STAC: variants seen among roughly 807,000 people sequenced by gnomAD.
STAC encodes the protein SH3 and cysteine rich domain, also known as SH3 and cysteine-rich domain-containing protein.
STAC carries 43 observed loss-of-function variants against 48.8 expected under a neutral mutation model. The observed-to-expected ratio is 0.88, with a 90% CI of 0.69 to 1.14. STAC has a LOEUF of 1.14. Among genes scored for constraint, STAC ranks in the 50% most tolerant of loss-of-function variants. The pLI is 0.00. For synonymous variants in STAC, 193 were observed against 179.5 expected, an observed-to-expected ratio of 1.07 and a Z score of -0.60; for missense variants, 497 against 504.0, an observed-to-expected ratio of 0.99 and a Z score of 0.13.
At chr3:36,415,160 G>A (rs1369900959) in intron 1 of STAC, among the ~76,000 whole-genome samples, 1 of 152,210 alleles carries the variant, frequency 6.6e-6, no homozygotes, top group Non-Finnish European at 1.5e-5. Flanking sequence ...CGGATCTCAA[G>A]CTGCGTACTG....
Position 36,480,202 on chromosome 3 carries a change from A to G in STAC, c.389-2790A>G, listed in dbSNP as rs189767173. Among the ~76,000 whole-genome samples the G allele has an allele frequency of 2.4e-3, 370 of 152,354 alleles. 3 individuals are homozygous for G. The highest frequency in any genetic ancestry group is 7.3e-3 in the South Asian group (35 of 4,824). On this transcript the variant is annotated intron_variant, in intron 2 of 10. Transcript: ENST00000273183. ...ACAAATAGCATTCTCTAATTTGAAA[A>G]CGAAAAGTAAGTAATTGCTTTCAAA...
At chr3:36,425,789 G>A (rs1270795669) in intron 1 of STAC, among the ~76,000 whole-genome samples, 5 of 152,202 alleles carry the variant, frequency 3.3e-5, no homozygotes, top group Non-Finnish European at 5.9e-5. Context: ...ACTTTGGGAG[G>A]CCAACGCAGG....
intron 10 of STAC, among the ~76,000 whole-genome samples, chr3:36,530,577 TTTC>T (rs1010629024): frequency 2.9e-5 from 4 of 138,146 alleles, no homozygotes; most frequent in Non-Finnish European, 6.3e-5. Flanking sequence ...TAATTCACCT[TTTC>T]TTTTTTTTTT....
intron 8 of STAC, among the ~76,000 whole-genome samples, chr3:36,507,668 T>G (rs1698437125): frequency 6.6e-6 from 1 of 152,180 alleles, no homozygotes; most frequent in South Asian, 2.1e-4. Context: ...GTCCAGGAAT[T>G]TATCCATTTC....
At chr3:36,393,304 T>C (rs1028682144) in intron 1 of STAC, among the ~76,000 whole-genome samples, 2 of 152,176 alleles carry the variant, frequency 1.3e-5, no homozygotes, top group Non-Finnish European at 2.9e-5. Flanking sequence ...CCTGTGTCCC[T>C]TTGTTCAGCA....
At chr3:36,511,454 C>T (rs747281320) in intron 8 of STAC, among the ~76,000 whole-genome samples, 5 of 152,164 alleles carry the variant, frequency 3.3e-5, no homozygotes, top group Non-Finnish European at 2.9e-5. Context: ...TGAGTAATCT[C>T]ATGACAGGGG....
chr3:36,437,720 A>G (rs1476345750), intron 1 of STAC, among the ~76,000 whole-genome samples: 2 of 151,426 alleles, frequency 1.3e-5, no homozygotes, highest in African/African-American at 4.9e-5. Flanking sequence ...TGGCACATGT[A>G]TACATATGTA....
chr3:36,519,227 A>T (rs570956033), intron 8 of STAC, among the ~76,000 whole-genome samples: 2 of 152,358 alleles, frequency 1.3e-5, no homozygotes, highest in South Asian at 2.1e-4. Flanking sequence ...CAGAGGCAGG[A>T]GCATATTTAG....
At chr3:36,412,929 T>C (rs1347619075) in intron 1 of STAC, among the ~76,000 whole-genome samples, 1 of 152,220 alleles carries the variant, frequency 6.6e-6, no homozygotes, top group Non-Finnish European at 1.5e-5. Context: ...CATTTCGTTA[T>C]GTACCCAGTA....
At chr3:36,494,170 AAAAAG>A (rs1001300464) in intron 6 of STAC, among the ~76,000 whole-genome samples, 1 of 151,400 alleles carries the variant, frequency 6.6e-6, no homozygotes, top group African/African-American at 2.4e-5. Flanking sequence ...AAAAAAAAAA[AAAAAG>A]AAAGAGCCAC....
At chr3:36,502,967 T>C (rs1217079056) in intron 6 of STAC, among the ~76,000 whole-genome samples, 1 of 152,188 alleles carries the variant, frequency 6.6e-6, no homozygotes, top group Non-Finnish European at 1.5e-5. Context: ...TTGATAAGCA[T>C]CAGTACATTT....
chr3:36,428,247 T>G (rs1364057744), intron 1 of STAC, among the ~76,000 whole-genome samples: 7 of 152,210 alleles, frequency 4.6e-5, no homozygotes, highest in Non-Finnish European at 8.8e-5. Flanking sequence ...TGTATTTACA[T>G]AAAAATATGG....
chr3:36,425,483 T>C (rs915501297), intron 1 of STAC, among the ~76,000 whole-genome samples: 7 of 152,212 alleles, frequency 4.6e-5, no homozygotes, highest in African/African-American at 1.7e-4. Flanking sequence ...CATTGCAATA[T>C]GGAATCCTGG....
intron 2 of STAC, among the ~76,000 whole-genome samples, chr3:36,467,885 TGTTTGG>T (rs1697221415): frequency 6.6e-6 from 1 of 152,004 alleles, no homozygotes; most frequent in African/African-American, 2.4e-5. Flanking sequence ...TCTTTTGCTG[TGTTTGG>T]GTTCAGATTT....
intron 1 of STAC, among the ~76,000 whole-genome samples, chr3:36,435,128 C>T (rs920360083): frequency 2.6e-5 from 4 of 152,104 alleles, no homozygotes; most frequent in African/African-American, 9.7e-5. Flanking sequence ...CTAAAATGAA[C>T]ACTCTGAGCT....
intron 1 of STAC, among the ~76,000 whole-genome samples, chr3:36,389,858 T>C (rs1487763878): frequency 6.6e-6 from 1 of 152,130 alleles, no homozygotes; most frequent in Non-Finnish European, 1.5e-5. Context: ...TTCAAGTTAA[T>C]TAGTGTATGT....
rs573676761 is a variant in STAC at position 36,423,078 on chromosome 3, C to T, written c.112-20286C>T. 6.4e-4 allele frequency among the ~76,000 whole-genome samples: 98 copies of T among 152,210 alleles called. 1 individual carries two copies. In the South Asian group the frequency reaches 0.019, roughly 30 times the overall value. On this transcript the variant is annotated intron_variant, in intron 1 of 10. Transcript: ENST00000273183. ...TCTGAAGACCCAAGATACCGTTCAT[C>T]TGTTTCCCTGGGACATCTCATAATC... is the stretch of plus-strand genomic sequence containing the variant.
At chr3:36,487,508 T>C (rs898721243) in intron 5 of STAC, among the ~76,000 whole-genome samples, 1 of 152,162 alleles carries the variant, frequency 6.6e-6, no homozygotes, top group African/African-American at 2.4e-5. Flanking sequence ...TTAGCAGACA[T>C]GAATGAAGGG....
At chr3:36,482,490 G>T (rs1185302768) in intron 2 of STAC, among the ~76,000 whole-genome samples, 1 of 152,150 alleles carries the variant, frequency 6.6e-6, no homozygotes, top group Non-Finnish European at 1.5e-5. Flanking sequence ...GTTGGCATCT[G>T]ATTGAGTCCT....
Sources: allele counts gnomAD v4.1 joint callset (sites outside exome capture counted in the v4.1 genomes callset), GRCh38; gene constraint gnomAD v4.1.1; transcripts MANE v1.5; gene names NCBI Gene and HGNC (gene_info 2026-07-23, HGNC 2026-07-21).